Variants in DLC1 observed in about 807,000 individuals in gnomAD.
The protein encoded by DLC1 is rho GTPase-activating protein 7.
In DLC1, 54 loss-of-function variants were observed where a neutral mutation model predicts 140.3. That is an observed-to-expected ratio of 0.38 (90% confidence interval 0.31 to 0.48). DLC1 has a LOEUF of 0.48. Among genes scored for constraint, DLC1 ranks in the 20% least tolerant of loss-of-function variants. The pLI is 0.96. For missense variants in DLC1, 2,536 were observed against 1,907.0 expected, an observed-to-expected ratio of 1.33 and a Z score of -6.14; for synonymous variants, 986 against 728.1, an observed-to-expected ratio of 1.35 and a Z score of -5.70.
chr8:13,161,250 G>C (rs7016467), intron 5 of DLC1, among the ~76,000 whole-genome samples: 103,479 of 152,104 alleles, frequency 0.68, 35,805 homozygotes, highest in Middle Eastern at 0.75. Flanking sequence ...AGCATAGTAA[G>C]TGCGACCACA....
chr8:13,598,535 A>G (rs1476293310), intron 1 of DLC1, among the ~76,000 whole-genome samples: 1 of 152,104 alleles, frequency 6.6e-6, no homozygotes, highest in African/African-American at 2.4e-5. Context: ...TTAGTAATCT[A>G]TTACTCTTAT....
intron 2 of DLC1, among the ~76,000 whole-genome samples, chr8:13,469,445 G>T (rs1374949659): frequency 6.6e-6 from 1 of 152,094 alleles, no homozygotes; most frequent in African/African-American, 2.4e-5. Flanking sequence ...CCTGCAAAAG[G>T]TTGCTTATTT....
chr8:13,363,952 G>T (rs1327099627), intron 4 of DLC1, among the ~76,000 whole-genome samples: 2 of 152,156 alleles, frequency 1.3e-5, no homozygotes, highest in Admixed American at 1.3e-4. Context: ...GCTCTAAGAA[G>T]CTCTTTGAAA....
At chr8:13,520,703 A>T (rs7841149) in intron 1 of DLC1, among the ~76,000 whole-genome samples, 1 of 152,138 alleles carries the variant, frequency 6.6e-6, no homozygotes, top group African/African-American at 2.4e-5. Flanking sequence ...GAAGCGAATG[A>T]GTCTGCCTGC....
chr8:13,323,646 T>G (rs1243550007), intron 4 of DLC1, among the ~76,000 whole-genome samples: 1 of 152,180 alleles, frequency 6.6e-6, no homozygotes, highest in Non-Finnish European at 1.5e-5. Flanking sequence ...GAACTTAGAT[T>G]TTACAATAAA....
chr8:13,165,095 T>C (rs983449485), intron 5 of DLC1, among the ~76,000 whole-genome samples: 13 of 152,322 alleles, frequency 8.5e-5, no homozygotes, highest in African/African-American at 3.1e-4. Flanking sequence ...ATAAAATGCA[T>C]GCTACCTAGT....
chr8:13,588,751 T>C (rs1232884310), intron 1 of DLC1, among the ~76,000 whole-genome samples: 3 of 152,034 alleles, frequency 2.0e-5, no homozygotes, highest in Non-Finnish European at 2.9e-5. Flanking sequence ...ACTAAAGATA[T>C]AGGCTTGGGA....
intron 2 of DLC1, among the ~76,000 whole-genome samples, chr8:13,407,434 T>C (rs1235160728): frequency 6.6e-6 from 1 of 152,058 alleles, no homozygotes; most frequent in Non-Finnish European, 1.5e-5. Flanking sequence ...CACAAGGCAG[T>C]TGGGGAGGAG....
At chr8:13,519,579 A>G (rs1176994215), upstream of DLC1, among the ~76,000 whole-genome samples, 5 of 152,304 alleles carry the variant, frequency 3.3e-5, no homozygotes, top group East Asian at 9.7e-4. Context: ...TGGTAACCAT[A>G]TAGTATTTAC....
chr8:13,171,947 T>C (rs920010199), intron 5 of DLC1, among the ~76,000 whole-genome samples: 5 of 152,108 alleles, frequency 3.3e-5, no homozygotes, highest in Non-Finnish European at 7.3e-5. Context: ...TGCTCATCCA[T>C]GGCAGAGCAG....
intron 3 of DLC1, among the ~76,000 whole-genome samples, chr8:13,399,754 G>A (rs774658702): frequency 2.6e-5 from 4 of 152,090 alleles, no homozygotes; most frequent in Non-Finnish European, 5.9e-5. Context: ...TTATTTTTAT[G>A]TTAAAGACAT....
At chr8:13,133,819 A>G (rs536120230) in intron 5 of DLC1, among the ~76,000 whole-genome samples, 2 of 152,018 alleles carry the variant, frequency 1.3e-5, no homozygotes, top group South Asian at 4.2e-4. Flanking sequence ...GGAAGCGGAG[A>G]GGAAGGGATG....
upstream of DLC1, among the ~76,000 whole-genome samples, chr8:13,518,102 T>TTTTTTGTTTTTGTTTTTG (rs56411512): frequency 1.3e-4 from 19 of 149,492 alleles, no homozygotes; most frequent in South Asian, 3.8e-3. Flanking sequence ...CACCTTTCTT[T>TTTTTTGTTTTTGTTTTTG]TTTTTGTTTT....
intron 2 of DLC1, among the ~76,000 whole-genome samples, chr8:13,405,533 A>T (rs1340059394): frequency 6.6e-6 from 1 of 152,192 alleles, no homozygotes; most frequent in Non-Finnish European, 1.5e-5. Flanking sequence ...GGGAGTTTTT[A>T]AAATCCACTG....
chr8:13,453,919 A>G (rs1039176797), intron 2 of DLC1, among the ~76,000 whole-genome samples: 3 of 152,080 alleles, frequency 2.0e-5, no homozygotes, highest in African/African-American at 7.2e-5. Flanking sequence ...CTTCATGTCC[A>G]CTCAACTGAC....
At chr8:13,367,011 C>G (rs76009739) in intron 4 of DLC1, among the ~76,000 whole-genome samples, 2 of 152,276 alleles carry the variant, frequency 1.3e-5, no homozygotes, top group Non-Finnish European at 2.9e-5. Flanking sequence ...CAACCACGAA[C>G]TTTGCCTCCT....
At chr8:13,537,646 CTCTT>C (rs1277966747) in intron 1 of DLC1, among the ~76,000 whole-genome samples, 1 of 131,140 alleles carries the variant, frequency 7.6e-6, no homozygotes, top group African/African-American at 3.0e-5. Flanking sequence ...CAACAGCTAA[CTCTT>C]TTTTTTTTTT....
chr8:13,213,754 C>T (rs7823408), intron 5 of DLC1, among the ~76,000 whole-genome samples: 3,843 of 151,412 alleles, frequency 0.025, 143 homozygotes, highest in African/African-American at 0.088. Context: ...TAACTTGATG[C>T]GTTTCATAAG....
In DLC1 at chr8:13,217,914, T is replaced by A. The variant is rs552760183; in HGVS notation, c.1348+87355A>T. On this transcript the variant is annotated intron_variant, in intron 5 of 17. Transcript: ENST00000276297. The stretch of plus-strand genomic sequence containing the variant: ...AATAAAATACTCTGATTTTCTTGGG[T>A]CAAGGGCTTGCGTCCTCTTTGATTC... Among the ~76,000 whole-genome samples, 70 of 152,064 alleles carry A rather than the reference T, an allele frequency of 4.6e-4. 1 individual carries two copies. In the South Asian group the frequency reaches 0.014, roughly 30 times the overall value.
Sources: allele counts gnomAD v4.1 joint callset (sites outside exome capture counted in the v4.1 genomes callset), GRCh38; gene constraint gnomAD v4.1.1; transcripts MANE v1.5; gene names NCBI Gene and HGNC (gene_info 2026-07-23, HGNC 2026-07-21).